Variants in RAB14 observed in about 807,000 individuals in gnomAD.
RAB14 encodes the protein RAB14, member RAS oncogene family.
A neutral mutation model predicts 31.1 loss-of-function variants in RAB14; 3 were observed. The observed-to-expected ratio is 0.10, with a 90% CI of 0.04 to 0.25. RAB14 has a LOEUF of 0.25. RAB14 is among the 10% of genes least tolerant of loss of function. The probability of loss-of-function intolerance (pLI) is 1.00; values close to 1 mark genes in which losing one functional copy is unlikely to be tolerated. For missense variants in RAB14, 111 were observed against 260.1 expected, an observed-to-expected ratio of 0.43 and a Z score of 3.94; for synonymous variants, 85 against 84.9, an observed-to-expected ratio of 1.00 and a Z score of 0.00.
chr9:121,184,490 G>A (rs1370991587), intron 5 of RAB14, among the ~76,000 whole-genome samples: 5 of 152,116 alleles, frequency 3.3e-5, no homozygotes, highest in African/African-American at 1.2e-4. Flanking sequence ...ACACCAACTG[G>A]TAAAATCCTT....
chr9:121,201,424 G>A (rs1413268201), intron 1 of RAB14, among the ~76,000 whole-genome samples: 1 of 152,042 alleles, frequency 6.6e-6, no homozygotes, highest in East Asian at 1.9e-4. Flanking sequence ...GGCCGGAGCC[G>A]CGCAGGGGAC....
In RAB14 at chr9:121,190,628, C is replaced by T. The variant is rs1334031464; in HGVS notation, c.210G>A (p.Gln70=). Residue 70 remains glutamine (Q), a synonymous_variant, in exon 4 of 8, where the codon CAG becomes CAA. Coordinates refer to ENST00000373840, the MANE Select transcript of RAB14 (RefSeq NM_016322.4). ...TCCGTGTAACAGCCCTAAATCGCTC[C>T]TGTCCTGCCGTATCCCAAATCTGCA... ...IKLQIWDTAG[Q]ERFRAVTRSY... is the part of the protein sequence containing the mutation. The T allele has an allele frequency of 1.2e-6, 2 of 1,613,254 alleles. No individual in the cohort carries two copies. The highest frequency in any genetic ancestry group is 1.3e-5 in the African/African-American group (1 of 74,826).
chr9:121,186,333 A>C (rs1232239987), intron 5 of RAB14, among the ~76,000 whole-genome samples: 1 of 152,084 alleles, frequency 6.6e-6, no homozygotes, highest in African/African-American at 2.4e-5. Context: ...TTATCTGCAT[A>C]TCTGCTGGTT....
rs1258668989 is a variant in RAB14, at chr9:121,201,832, T to G, written c.-201A>C. 2 of 152,432 alleles carry G rather than the reference T, an allele frequency of 1.3e-5. No individual in the cohort carries two copies. The highest frequency in any genetic ancestry group is 4.8e-5 in the African/African-American group (2 of 41,462). The allele number at this position is 152,432 out of a possible 1,614,324, so 9.4% of individuals were successfully genotyped here. ...TAGCAGTGGCAGCGGTGACTGCTCCTGTGCTCCCTCAGTATCTTCCTCGGG... is the reference window on the plus strand; with the variant it reads ...TAGCAGTGGCAGCGGTGACTGCTCCGGTGCTCCCTCAGTATCTTCCTCGGG... On this transcript the variant is annotated 5_prime_UTR_variant, in exon 1 of 8. Transcript: ENST00000373840.
chr9:121,181,630 CACTG>C, intron 7 of RAB14, 57 bp from the exon 8 acceptor site: 2 of 1,400,806 alleles, frequency 1.4e-6, no homozygotes. Flanking sequence ...AAAGACAAGA[CACTG>C]ACCTTTTGCT....
At chr9:121,183,074 T>G in intron 6 of RAB14, 114 bp from the exon 7 acceptor site, 1 of 1,024,568 alleles carries the variant, frequency 9.8e-7, no homozygotes, top group Non-Finnish European at 1.5e-6. Flanking sequence ...TCCCATAGTA[T>G]TTTATGAAAA....
intron 5 of RAB14, among the ~76,000 whole-genome samples, chr9:121,185,037 C>A (rs897780594): frequency 3.9e-5 from 6 of 152,128 alleles, no homozygotes; most frequent in African/African-American, 1.4e-4. Context: ...TGGTAGAGAA[C>A]ACAACTTCTA....
rs2053641275 is a variant in RAB14, at chr9:121,182,954, A to G, written c.446T>C (p.Leu149Ser). 9 of 1,606,360 alleles carry G rather than the reference A, an allele frequency of 5.6e-6. No individual in the cohort carries two copies. The highest frequency in any genetic ancestry group is 7.7e-6 in the Non-Finnish European group (9 of 1,174,446). Residue 149 changes from leucine to serine, a missense_variant, in exon 7 of 8, where the codon TTG (leucine) becomes TCG (serine). Coordinates refer to ENST00000373840, the MANE Select transcript of RAB14 (RefSeq NM_016322.4). Reference protein sequence around the residue: ...AKQFAEENGLLFLEASAKTGE... With the variant: ...AKQFAEENGLSFLEASAKTGE... ...CGTTTTTGCACTCGCTTCGAGGAAC[A>G]ATAAGCCTAAAAATAAAATTCAGAC...
intron 5 of RAB14, among the ~76,000 whole-genome samples, chr9:121,186,135 C>CACATTGT (rs1564319349): frequency 6.6e-6 from 1 of 151,864 alleles, no homozygotes; most frequent in Admixed American, 6.6e-5. Context: ...TGTGTCTTTC[C>CACATTGT]TCACATTGTT....
intron 7 of RAB14, 36 bp downstream of exon 7, chr9:121,182,894 A>C (rs2053640691): frequency 1.3e-6 from 2 of 1,574,970 alleles, no homozygotes; most frequent in Non-Finnish European, 1.7e-6. Context: ...AGAAACTTGA[A>C]TATAATTGAA....
At chr9:121,186,242 G>A (rs1056658787) in intron 5 of RAB14, among the ~76,000 whole-genome samples, 23 of 152,098 alleles carry the variant, frequency 1.5e-4, no homozygotes, top group African/African-American at 4.8e-4. Context: ...CTCTCCAGAC[G>A]GCACTGATCA....
intron 1 of RAB14, among the ~76,000 whole-genome samples, chr9:121,194,951 G>A (rs1459594194): frequency 6.6e-6 from 1 of 152,122 alleles, no homozygotes; most frequent in Non-Finnish European, 1.5e-5. Context: ...AGTTTGGCAT[G>A]TTCTAACACA....
At chr9:121,189,096 G>C (rs2053673353) in intron 4 of RAB14, among the ~76,000 whole-genome samples, 1 of 152,002 alleles carries the variant, frequency 6.6e-6, no homozygotes, top group Non-Finnish European at 1.5e-5. Context: ...ATGTTTTCAA[G>C]TTTCATCTAT....
intron 3 of RAB14, among the ~76,000 whole-genome samples, chr9:121,191,204 T>C (rs1174085334): frequency 6.6e-6 from 1 of 152,178 alleles, no homozygotes; most frequent in Admixed American, 6.5e-5. Context: ...ATCAACATTA[T>C]ACCATTTAGC....
At chr9:121,185,418 C>G (rs1258108267) in intron 5 of RAB14, among the ~76,000 whole-genome samples, 1 of 152,136 alleles carries the variant, frequency 6.6e-6, no homozygotes, top group Non-Finnish European at 1.5e-5. Flanking sequence ...TTCTCAGGCA[C>G]ATGTGCGTTC....
chr9:121,198,588 G>GT (rs771037424), intron 1 of RAB14, among the ~76,000 whole-genome samples: 4 of 152,116 alleles, frequency 2.6e-5, no homozygotes, highest in African/African-American at 9.7e-5. Context: ...CCACTGATAA[G>GT]TTTTTTGTTT....
rs932194754 is a variant in RAB14 at position 121,201,141 on chromosome 9, G to A, written c.-8+498C>T. On this transcript the variant is annotated intron_variant, in intron 1 of 7. Coordinates refer to ENST00000373840, the MANE Select transcript of RAB14 (RefSeq NM_016322.4). The stretch of plus-strand genomic sequence containing the variant: ...CGGAGCTGCCCCGAGACGCCAAGAG[G>A]GCTGCGAAGAGCTGCCTTTGTACTC... Among the ~76,000 whole-genome samples, 10 of 152,194 alleles carry A rather than the reference G, an allele frequency of 6.6e-5. No individual in the cohort carries two copies. The East Asian group carries it at 1.2e-3, about 18-fold the overall frequency.
At chr9:121,186,258 G>T (rs2053658533) in intron 5 of RAB14, among the ~76,000 whole-genome samples, 1 of 152,060 alleles carries the variant, frequency 6.6e-6, no homozygotes, top group African/African-American at 2.4e-5. Context: ...GATCATCCTA[G>T]GCTCTCCAGC....
At chr9:121,191,071 CA>C (rs2053683738) in intron 3 of RAB14, among the ~76,000 whole-genome samples, 1 of 152,102 alleles carries the variant, frequency 6.6e-6, no homozygotes, top group Admixed American at 6.6e-5. Flanking sequence ...GGTTGTATTC[CA>C]ATAAATTTTA....
Sources: gnomAD v4.1 joint callset for allele counts (sites outside exome capture counted in the v4.1 genomes callset) on GRCh38, gnomAD v4.1.1 for gene constraint, MANE v1.5 for transcripts, NCBI Gene and HGNC (gene_info 2026-07-23, HGNC 2026-07-21) for gene names.